Variants in RAPGEF1 observed in about 807,000 individuals in gnomAD.
RAPGEF1 encodes the protein Rap guanine nucleotide exchange factor 1.
RAPGEF1 carries 33 observed loss-of-function variants against 143.3 expected under a neutral mutation model. The ratio of observed to expected loss-of-function variants is 0.23; its 90% CI spans 0.17 to 0.31. RAPGEF1 has a LOEUF of 0.31. RAPGEF1 is among the 10% of genes least tolerant of loss of function. RAPGEF1 has a pLI of 1.00. For missense variants in RAPGEF1, 1,199 were observed against 1,645.4 expected (o/e 0.73, Z 4.69); for synonymous variants, 629 against 676.5 (o/e 0.93, Z 1.09).
chr9:131,596,501 T>C, intron 16 of RAPGEF1, 128 bp from the exon 17 acceptor site: 11 of 928,184 alleles, frequency 1.2e-5, no homozygotes, highest in African/African-American at 6.5e-5. Context: ...CCTTCTGTGC[T>C]CCTCGGCCCA....
At chr9:131,582,437 T>C (rs1244962864) in intron 25 of RAPGEF1, among the ~76,000 whole-genome samples, 168 bp downstream of exon 25, 1 of 151,962 alleles carries the variant, frequency 6.6e-6, no homozygotes, top group East Asian at 1.9e-4. Context: ...ATGTATTGTA[T>C]ATTATGCATT....
At chr9:131,645,337 C>G (rs546055865) in intron 3 of RAPGEF1, among the ~76,000 whole-genome samples, 1 of 152,178 alleles carries the variant, frequency 6.6e-6, no homozygotes, top group Non-Finnish European at 1.5e-5. Context: ...TGCTGAGGAA[C>G]AGGAAACATT....
chr9:131,650,927 A>G lies in RAPGEF1; in HGVS notation c.84T>C (p.Ser28=), dbSNP rs1970918297. The part of the protein sequence containing the change: ...EKADSQRSHL[S]SFTMKLMDKF... ...TGTCCATCAGCTTCATGGTGAAGGAAGAGAGATGAGAACGCTGAGAGTCTG... is the reference window on the plus strand; with the variant it reads ...TGTCCATCAGCTTCATGGTGAAGGAGGAGAGATGAGAACGCTGAGAGTCTG... Residue 28 remains serine, a synonymous_variant, in exon 2 of 27, where the codon TCT becomes TCC. Transcript: ENST00000683357. The surrounding 1 kb of genome is among the most constrained non-coding windows in gnomAD (Gnocchi z 4.7). 19 of 1,613,750 alleles carry G rather than the reference A, an allele frequency of 1.2e-5. No homozygotes were observed. The highest frequency in any genetic ancestry group is 2.7e-5 in the African/African-American group (2 of 74,898).
At chr9:131,637,228 G>GA (rs772570490) in intron 5 of RAPGEF1, among the ~76,000 whole-genome samples, 231 of 125,258 alleles carry the variant, frequency 1.8e-3, no homozygotes, top group Middle Eastern at 7.9e-3. Flanking sequence ...CCGTCTCAGA[G>GA]AAAAAAAAAA....
rs951207936 is a variant in RAPGEF1, at chr9:131,583,413, G to A, written c.3415-711C>T. Among the ~76,000 whole-genome samples the A allele has an allele frequency of 6.6e-6, 1 of 150,618 alleles. No homozygotes were observed. Among genetic ancestry groups the A allele is most frequent in the Non-Finnish European group, 1.5e-5 (1 of 67,642 alleles). On this transcript the variant is annotated intron_variant, in intron 24 of 26. Transcript: ENST00000683357. This position sits in a 1 kb window ranked among gnomAD's most constrained non-coding sequence, Gnocchi z 4.7. ...ACCCTGGGTGGCCTGGCTGACACCC[G>A]GGTCTCTGACATGACCCCTGGGTGG...
chr9:131,642,740 A>C (rs1441840527), intron 4 of RAPGEF1, among the ~76,000 whole-genome samples: 2 of 150,900 alleles, frequency 1.3e-5, no homozygotes, highest in African/African-American at 4.9e-5. Flanking sequence ...GTACTAAAAA[A>C]CTCTTAGCTT....
intron 1 of RAPGEF1, chr9:131,737,615 A>T: frequency 3.4e-6 from 5 of 1,456,030 alleles, no homozygotes; most frequent in Non-Finnish European, 4.5e-6. Context: ...ATGAAGAGTC[A>T]TTTCATTCCC....
chr9:131,690,466 A>C (rs1564170646), intron 1 of RAPGEF1, among the ~76,000 whole-genome samples: 1 of 152,164 alleles, frequency 6.6e-6, no homozygotes, highest in African/African-American at 2.4e-5. Context: ...ATTTTTTTCT[A>C]AACCTTTTTT....
chr9:131,662,770 T>C (rs530591746), intron 1 of RAPGEF1, among the ~76,000 whole-genome samples: 3 of 152,270 alleles, frequency 2.0e-5, no homozygotes, highest in African/African-American at 4.8e-5. Flanking sequence ...CTCAAACTCC[T>C]GACCTCAAGT....
In RAPGEF1 at chr9:131,584,702, G is replaced by A. The variant is rs868409397; in HGVS notation, c.3234-106C>T. 4 of 1,061,574 alleles carry A rather than the reference G, an allele frequency of 3.8e-6. No homozygotes were observed. The South Asian group carries it at 5.3e-5, about 14-fold the overall frequency. 65.8% of individuals were successfully genotyped at this position (1,061,574 alleles called of 1,614,324 possible). On this transcript the variant is annotated intron_variant, in intron 22 of 26. Coordinates refer to ENST00000683357, the MANE Select transcript of RAPGEF1 (RefSeq NM_001377935.1). The surrounding 1 kb of genome is among the most constrained non-coding windows in gnomAD (Gnocchi z 6.8). ...GTACGACCCCCATGCCAGTGGCCAC[G>A]AGCCCACCCCTACTGAATACCTGCA...
Position 131,588,846 on chromosome 9 carries a change from C to T in RAPGEF1, c.3008G>A (p.Cys1003Tyr). 6.2e-7 allele frequency: 1 copy of T among 1,613,834 alleles called. No homozygotes were observed. The highest frequency in any genetic ancestry group is 8.5e-7 in the Non-Finnish European group (1 of 1,179,806). Residue 1003 changes from cysteine to tyrosine, a missense_variant, in exon 20 of 27, where the codon TGT (cysteine) becomes TAT (tyrosine). Physicochemically the swap from Cys to Tyr is radical, Grantham distance 194. Coordinates refer to ENST00000683357, the MANE Select transcript of RAPGEF1 (RefSeq NM_001377935.1). Reference sequence around the variant, plus strand: ...TGCCAGGGGCTGGCTGGAGGTGGCACACCTGAGTAGCTTCTTCTGGTCCAC... The same window carrying T: ...TGCCAGGGGCTGGCTGGAGGTGGCATACCTGAGTAGCTTCTTCTGGTCCAC... ...DKVDQKKLLR[C>Y]ATSSQPLAAR...
intron 1 of RAPGEF1, among the ~76,000 whole-genome samples, chr9:131,707,877 T>C (rs1835195358): frequency 6.6e-6 from 1 of 152,238 alleles, no homozygotes; most frequent in Non-Finnish European, 1.5e-5. Flanking sequence ...CACTCCTACA[T>C]GACTCAGCAC....
intron 1 of RAPGEF1, chr9:131,737,651 A>G: frequency 7.4e-7 from 1 of 1,351,738 alleles, no homozygotes; most frequent in Non-Finnish European, 9.7e-7. Context: ...TCATGGGATG[A>G]CAGGCAACTT....
At chr9:131,702,191 C>G (rs1396673484) in intron 1 of RAPGEF1, among the ~76,000 whole-genome samples, 1 of 152,236 alleles carries the variant, frequency 6.6e-6, no homozygotes, top group Non-Finnish European at 1.5e-5. Context: ...CGCTGCCTAA[C>G]AGTAAGCATT....
chr9:131,648,039 G>A (rs1165095173), intron 3 of RAPGEF1, among the ~76,000 whole-genome samples: 1 of 152,150 alleles, frequency 6.6e-6, no homozygotes, highest in Non-Finnish European at 1.5e-5. Flanking sequence ...CCCACTAAAT[G>A]AGCGGTACTT....
chr9:131,740,071 A>C lies in RAPGEF1; in HGVS notation c.-241T>G, dbSNP rs924883170. 6.9e-6 allele frequency: 1 copy of C among 144,410 alleles called. No homozygotes were observed. Among genetic ancestry groups the C allele is most frequent in the African/African-American group, 2.5e-5 (1 of 40,110 alleles). 8.9% of individuals were successfully genotyped at this position (144,410 alleles called of 1,614,324 possible). A position where few individuals can be genotyped will look rare whatever the true frequency, so the allele number is the denominator to read the frequency against. On this transcript the variant is annotated 5_prime_UTR_variant, in exon 1 of 27. Coordinates refer to ENST00000683357, the MANE Select transcript of RAPGEF1 (RefSeq NM_001377935.1). This position sits in a 1 kb window ranked among gnomAD's most constrained non-coding sequence, Gnocchi z 4.5. ...CCGGCCCGCGAGCCGGCCGCAGCGC[A>C]GCGACGCCGCCCGCCCGCCCGCCGG...
chr9:131,730,798 A>C (rs1000526726), intron 1 of RAPGEF1, among the ~76,000 whole-genome samples: 1 of 151,760 alleles, frequency 6.6e-6, no homozygotes, highest in Admixed American at 6.6e-5. Context: ...CCTGAGGCTC[A>C]GGAGATTAAG....
chr9:131,668,825 C>A (rs1222949596), intron 1 of RAPGEF1, among the ~76,000 whole-genome samples: 1 of 152,232 alleles, frequency 6.6e-6, no homozygotes, highest in African/African-American at 2.4e-5. Context: ...AACCACAGAG[C>A]AGAGGCCAGG....
chr9:131,598,414 A>T, intron 15 of RAPGEF1, 104 bp from the exon 16 acceptor site: 1 of 882,680 alleles, frequency 1.1e-6, no homozygotes, highest in Middle Eastern at 2.2e-4. Context: ...CCGCTCCCGG[A>T]ACATGCCTGC....
Sources: allele counts gnomAD v4.1 joint callset (sites outside exome capture counted in the v4.1 genomes callset), GRCh38; gene constraint gnomAD v4.1.1; non-coding constraint Gnocchi (gnomAD v3.1); transcripts MANE v1.5; gene names NCBI Gene and HGNC (gene_info 2026-07-23, HGNC 2026-07-21).